Variants in COL14A1 observed in about 807,000 individuals in gnomAD.
The protein encoded by COL14A1 is collagen alpha-1(XIV) chain.
COL14A1 carries 136 observed loss-of-function variants against 230.3 expected under a neutral mutation model. The ratio of observed to expected loss-of-function variants is 0.59; its 90% CI spans 0.51 to 0.68. COL14A1 has a LOEUF of 0.68. Ranked by LOEUF, COL14A1 falls within the 30% of genes least tolerant of loss-of-function variation. The pLI, the probability that COL14A1 is intolerant of heterozygous loss-of-function variation, is 0.00. For missense variants in COL14A1, 1,976 were observed against 2,215.8 expected (o/e 0.89, Z 2.17); for synonymous variants, 792 against 784.1 (o/e 1.01, Z -0.17).
chr8:120,168,746 C>T (rs1165582202), intron 5 of COL14A1, among the ~76,000 whole-genome samples: 1 of 152,188 alleles, frequency 6.6e-6, no homozygotes, highest in Non-Finnish European at 1.5e-5. Context: ...ATACTTAGAA[C>T]TTTGCCTGCC....
intron 1 of COL14A1, 45 bp from the exon 2 acceptor site, chr8:120,147,761 T>C: frequency 1.0e-6 from 1 of 1,000,300 alleles, no homozygotes; most frequent in Non-Finnish European, 1.5e-6. Flanking sequence ...ACATATACTT[T>C]ATTTTCAGCC....
intron 40 of COL14A1, among the ~76,000 whole-genome samples, chr8:120,323,912 C>T (rs1374786384): frequency 6.6e-6 from 1 of 152,102 alleles, no homozygotes; most frequent in Non-Finnish European, 1.5e-5. Context: ...GAGATAATGT[C>T]CTTTTAAGCA....
intron 2 of COL14A1, among the ~76,000 whole-genome samples, chr8:120,152,151 G>A (rs1815303832): frequency 6.6e-6 from 1 of 151,926 alleles, no homozygotes; most frequent in African/African-American, 2.4e-5. Flanking sequence ...TTATAGTAAC[G>A]ATAATCAACG....
At chr8:120,146,873 A>G (rs559468152) in intron 1 of COL14A1, among the ~76,000 whole-genome samples, 1 of 152,150 alleles carries the variant, frequency 6.6e-6, no homozygotes, top group East Asian at 1.9e-4. Context: ...AAAACTTTGG[A>G]GATATTTCCT....
intron 12 of COL14A1, among the ~76,000 whole-genome samples, chr8:120,211,253 A>AATAGAGG (rs1215439675): frequency 6.6e-6 from 1 of 152,210 alleles, no homozygotes; most frequent in Non-Finnish European, 1.5e-5. Context: ...CAGGCCTGTT[A>AATAGAGG]ATAGAGGAAT....
At position 120,345,569 on chromosome 8, in the gene COL14A1, CT is replaced by C. The variant is rs747218654; in HGVS notation, c.5077+7del. ...AGGGACCCCAGGAGAACGAGGTAAG[CT>C]GGGCCCCTTCTCTCAGAGGAACTCC... On this transcript the variant is annotated splice_region_variant and intron_variant, in intron 45 of 47. Coordinates refer to ENST00000297848, the MANE Select transcript of COL14A1 (RefSeq NM_021110.4). 2.6e-5 allele frequency: 40 copies of C among 1,529,970 alleles called. No homozygotes were observed. The highest frequency in any genetic ancestry group is 3.5e-5 in the Non-Finnish European group (40 of 1,145,022). 94.8% of individuals were successfully genotyped at this position (1,529,970 alleles called of 1,614,324 possible). A position where few individuals can be genotyped will look rare whatever the true frequency, so the allele number is the denominator to read the frequency against.
At chr8:120,332,244 A>G (rs1821895623) in intron 41 of COL14A1, 50 bp downstream of exon 41, 2 of 1,545,410 alleles carry the variant, frequency 1.3e-6, no homozygotes, top group Non-Finnish European at 1.8e-6. Flanking sequence ...AAAGCACTTC[A>G]TTTCTTTTGA....
intron 31 of COL14A1, 22 bp from the exon 32 acceptor site, chr8:120,283,614 A>C (rs753451641): frequency 6.3e-7 from 1 of 1,576,156 alleles, no homozygotes; most frequent in Non-Finnish European, 8.6e-7. Flanking sequence ...ACAATGAAAC[A>C]TGGTTTTCTT....
At chr8:120,367,602 C>T (rs1462151499) in intron 46 of COL14A1, among the ~76,000 whole-genome samples, 2 of 152,008 alleles carry the variant, frequency 1.3e-5, no homozygotes, top group Non-Finnish European at 2.9e-5. Flanking sequence ...GAACCCATGA[C>T]CTCCATGGTG....
At chr8:120,278,403 T>G in intron 27 of COL14A1, 32 bp from the exon 28 acceptor site, 1 of 1,595,972 alleles carries the variant, frequency 6.3e-7, no homozygotes, top group Non-Finnish European at 8.5e-7. Context: ...TGGGAGGGAG[T>G]GAAATCAAAC....
At chr8:120,296,678 C>T (rs1185557765) in intron 34 of COL14A1, among the ~76,000 whole-genome samples, 1 of 151,938 alleles carries the variant, frequency 6.6e-6, no homozygotes, top group African/African-American at 2.4e-5. Context: ...ATGATTGGGT[C>T]ATTAAGCTAG....
rs759903682 is a variant in COL14A1 at position 120,315,933 on chromosome 8, G to C, written c.4606-11G>C. The C allele has an allele frequency of 3.7e-6, 6 of 1,613,328 alleles. No homozygotes were observed. In the South Asian group the frequency reaches 6.6e-5, roughly 18 times the overall value. ...GTGAACCTGACTCTTTTTTGTCCCT[G>C]TTCTACACAGGGTATCCCAGGAGGC... On this transcript the variant is annotated splice_polypyrimidine_tract_variant and intron_variant, in intron 39 of 47. Coordinates refer to ENST00000297848, the MANE Select transcript of COL14A1 (RefSeq NM_021110.4).
At chr8:120,243,312 A>G (rs1818661445) in intron 19 of COL14A1, among the ~76,000 whole-genome samples, 1 of 152,196 alleles carries the variant, frequency 6.6e-6, no homozygotes, top group South Asian at 2.1e-4. Flanking sequence ...TTTCAGAAAT[A>G]AAAAAGCTGC....
intron 40 of COL14A1, among the ~76,000 whole-genome samples, chr8:120,318,897 TA>T (rs1215921189): frequency 1.3e-5 from 2 of 152,210 alleles, no homozygotes; most frequent in Admixed American, 6.5e-5. Context: ...CAAAGCTTTT[TA>T]TTTTCCTCCA....
rs759352400 is a variant in COL14A1, at chr8:120,345,421, C to T, written c.4935C>T (p.His1645=). Reference sequence around the variant, plus strand: ...CCATCCTCAACCAGATTCCCAGCCACTCCTCATCCATCCGGACTGTCCAAG... The same window carrying T: ...CCATCCTCAACCAGATTCCCAGCCATTCCTCATCCATCCGGACTGTCCAAG... The part of the protein sequence containing the change: ...YTAILNQIPS[H]SSSIRTVQGP... Residue 1645 remains histidine, a synonymous_variant, in exon 45 of 48, where the codon CAC becomes CAT. Coordinates refer to ENST00000297848, the MANE Select transcript of COL14A1 (RefSeq NM_021110.4). 23 of 1,599,264 alleles carry T rather than the reference C, an allele frequency of 1.4e-5. No homozygotes were observed. Among genetic ancestry groups the T allele is most frequent in the Non-Finnish European group, 2.0e-5 (23 of 1,173,804 alleles).
chr8:120,355,569 C>T (rs757873893), intron 45 of COL14A1, among the ~76,000 whole-genome samples: 1 of 151,876 alleles, frequency 6.6e-6, no homozygotes, highest in Non-Finnish European at 1.5e-5. Context: ...GGCACCACCA[C>T]ACCTGGTTAA....
At position 120,203,883 on chromosome 8, in the gene COL14A1, AC is replaced by A; in HGVS notation, c.1039+14del. ...AGAGAAATTAAAGGTAAAATGAGTGACAGAGCAGTCCTGTGGATGTCAGTAT... is the reference window on the plus strand; with the variant it reads ...AGAGAAATTAAAGGTAAAATGAGTGAAGAGCAGTCCTGTGGATGTCAGTAT... On this transcript the variant is annotated intron_variant, in intron 9 of 47. Transcript: ENST00000297848. 2 of 1,612,364 alleles carry A rather than the reference AC, an allele frequency of 1.2e-6. No homozygotes were observed. Among genetic ancestry groups the A allele is most frequent in the South Asian group, 2.2e-5 (2 of 90,896 alleles).
intron 14 of COL14A1, 102 bp from the exon 15 acceptor site, chr8:120,224,986 T>C: frequency 1.8e-6 from 2 of 1,110,284 alleles, no homozygotes; most frequent in Middle Eastern, 3.0e-4. Flanking sequence ...TTTTGCAGTG[T>C]TTATAGCTTT....
chr8:120,373,022 A>C lies in COL14A1; in HGVS notation c.*1791A>C, dbSNP rs537469299. ...GCCTGACCCAGAGTCACCTAAGAGAACTCTTCCAACTTAAATGACTAGGGT... is the reference window on the plus strand; with the variant it reads ...GCCTGACCCAGAGTCACCTAAGAGACCTCTTCCAACTTAAATGACTAGGGT... On this transcript the variant is annotated 3_prime_UTR_variant, in exon 48 of 48. Coordinates refer to ENST00000297848, the MANE Select transcript of COL14A1 (RefSeq NM_021110.4). Among the ~76,000 whole-genome samples the C allele has an allele frequency of 3.8e-3, 574 of 151,972 alleles. 4 individuals are homozygous for C. The highest frequency in any genetic ancestry group is 0.013 in the African/African-American group (548 of 41,448).
Sources: gnomAD v4.1 joint callset for allele counts (sites outside exome capture counted in the v4.1 genomes callset) on GRCh38, gnomAD v4.1.1 for gene constraint, MANE v1.5 for transcripts, NCBI Gene and HGNC (gene_info 2026-07-23, HGNC 2026-07-21) for gene names.